LRRC20: variants seen among roughly 807,000 people sequenced by gnomAD.
LRRC20 encodes leucine-rich repeat-containing protein 20.
Under a neutral mutation model 14.4 loss-of-function variants are expected in LRRC20, and 11 were observed. The ratio of observed to expected loss-of-function variants is 0.77; its 90% CI spans 0.48 to 1.27. LRRC20 has a LOEUF of 1.27. Among genes scored for constraint, LRRC20 ranks in the 50% most tolerant of loss-of-function variants. The pLI is 0.00. For missense variants in LRRC20, 219 were observed against 251.2 expected, an observed-to-expected ratio of 0.87 and a Z score of 0.87; for synonymous variants, 121 against 107.3, an observed-to-expected ratio of 1.13 and a Z score of -0.79.
At chr10:70,359,692 CTTA>C (rs1843650169) in intron 2 of LRRC20, among the ~76,000 whole-genome samples, 1 of 152,246 alleles carries the variant, frequency 6.6e-6, no homozygotes, top group Non-Finnish European at 1.5e-5. Context: ...AGCCAGGCTG[CTTA>C]TTATTCCCTG....
intron 4 of LRRC20, among the ~76,000 whole-genome samples, chr10:70,317,281 G>T (rs1465284474): frequency 4.6e-5 from 7 of 151,550 alleles, no homozygotes; most frequent in African/African-American, 1.7e-4. Context: ...AGCAGAAGGA[G>T]GTGTAAGAGG....
chr10:70,302,065 G>A (rs1841213228), intron 4 of LRRC20, among the ~76,000 whole-genome samples: 1 of 152,282 alleles, frequency 6.6e-6, no homozygotes, highest in Admixed American at 6.5e-5. Context: ...TGTAATCCCA[G>A]CACTTTGGGA....
At chr10:70,376,668 T>C in intron 1 of LRRC20, 72 bp from the exon 2 acceptor site, 1 of 781,752 alleles carries the variant, frequency 1.3e-6, no homozygotes, top group Non-Finnish European at 2.1e-6. Context: ...CCCTCCAGCA[T>C]CCTTCTCCCC....
chr10:70,356,915 CA>C (rs1441415579), intron 2 of LRRC20, among the ~76,000 whole-genome samples: 1 of 152,104 alleles, frequency 6.6e-6, no homozygotes, highest in Non-Finnish European at 1.5e-5. Flanking sequence ...ATGTTCACAG[CA>C]GCATTTTCAC....
intron 3 of LRRC20, among the ~76,000 whole-genome samples, chr10:70,334,936 A>T (rs1842670064): frequency 6.6e-6 from 1 of 152,192 alleles, no homozygotes; most frequent in Non-Finnish European, 1.5e-5. Context: ...TGCTGCCTGG[A>T]GAGCCCTGTG....
chr10:70,320,894 C>T (rs1842053177), intron 4 of LRRC20, among the ~76,000 whole-genome samples: 1 of 152,168 alleles, frequency 6.6e-6, no homozygotes, highest in Non-Finnish European at 1.5e-5. Context: ...GAGAATGGCT[C>T]AGAGGGTGGA....
intron 4 of LRRC20, among the ~76,000 whole-genome samples, chr10:70,321,795 T>C (rs1295665382): frequency 6.6e-6 from 1 of 152,220 alleles, no homozygotes; most frequent in Non-Finnish European, 1.5e-5. Context: ...CACTTGGCCA[T>C]GAAGGCTTAG....
Position 70,372,632 on chromosome 10 carries a change from T to C in LRRC20, c.82+3820A>G, listed in dbSNP as rs375461121. 5.2e-3 allele frequency among the ~76,000 whole-genome samples: 788 copies of C among 151,982 alleles called. 8 individuals carry two copies. Among genetic ancestry groups the C allele is most frequent in the African/African-American group, 0.017 (687 of 41,478 alleles). ...AATTTTTTTGTATTTTTAGTAGAGA[T>C]GGGGTTTCACCATGTTAGCCAGGAT... On this transcript the variant is annotated intron_variant, in intron 2 of 4. Transcript: ENST00000446961.
intron 1 of LRRC20, chr10:70,381,835 CT>C (rs1247564704): frequency 6.6e-6 from 1 of 152,372 alleles, no homozygotes; most frequent in Admixed American, 6.5e-5. Context: ...CTGCTGGCGC[CT>C]TGTTTTTGTG....
chr10:70,301,263 C>T lies in LRRC20; in HGVS notation c.*91G>A. 6.7e-7 allele frequency: 1 copy of T among 1,499,252 alleles called. No homozygotes were observed. Among genetic ancestry groups the T allele is most frequent in the Admixed American group, 2.1e-5 (1 of 48,358 alleles). 92.9% of individuals were successfully genotyped at this position (1,499,252 alleles called of 1,614,324 possible). A position where few individuals can be genotyped will look rare whatever the true frequency, so the allele number is the denominator to read the frequency against. ...CTGCTCGGCCCACCCGCCCCCAGCC[C>T]CCAGGCTTGGCCTCCCATGGGCCTC... On this transcript the variant is annotated 3_prime_UTR_variant, in exon 5 of 5. Transcript: ENST00000446961.
intron 2 of LRRC20, among the ~76,000 whole-genome samples, chr10:70,348,866 T>G (rs928247814): frequency 3.3e-5 from 5 of 152,244 alleles, no homozygotes; most frequent in African/African-American, 1.2e-4. Flanking sequence ...ATTCAGAGGT[T>G]GGGCACCATC....
Position 70,340,803 on chromosome 10 carries a change from C to T in LRRC20, c.83-101G>A. On this transcript the variant is annotated intron_variant, in intron 2 of 4. Transcript: ENST00000446961. ...CCCCACCTCCATGCCCCCTTCCAGC[C>T]TCCTTGCCCTCCCACCTGTCTCCCC... The T allele has an allele frequency of 4.9e-6, 6 of 1,227,988 alleles. No homozygotes were observed. In the South Asian group the frequency reaches 7.0e-5, roughly 14 times the overall value. 76.1% of individuals were successfully genotyped at this position (1,227,988 alleles called of 1,614,324 possible). A position where few individuals can be genotyped will look rare whatever the true frequency, so the allele number is the denominator to read the frequency against.
intron 2 of LRRC20, among the ~76,000 whole-genome samples, chr10:70,372,937 T>C (rs969818951): frequency 3.8e-5 from 1 of 26,416 alleles, no homozygotes; most frequent in East Asian, 1.2e-3. Context: ...ACCCCATCTC[T>C]ACTAAAAAAA....
chr10:70,362,701 A>C lies in LRRC20; in HGVS notation c.82+13751T>G, dbSNP rs181458707. Among the ~76,000 whole-genome samples, 289 of 152,114 alleles carry C rather than the reference A, an allele frequency of 1.9e-3. 1 individual carries two copies. Among genetic ancestry groups the C allele is most frequent in the African/African-American group, 6.5e-3 (271 of 41,516 alleles). Reference sequence around the variant, plus strand: ...GTGCCAGGCTTGGCCCCTTACAGACATGACCTCCCAGAGCAGCGTGCCTCA... The same window carrying C: ...GTGCCAGGCTTGGCCCCTTACAGACCTGACCTCCCAGAGCAGCGTGCCTCA... On this transcript the variant is annotated intron_variant, in intron 2 of 4. Coordinates refer to ENST00000446961, the MANE Select transcript of LRRC20 (RefSeq NM_001278212.2).
intron 2 of LRRC20, among the ~76,000 whole-genome samples, chr10:70,346,635 T>C (rs888413161): frequency 6.6e-5 from 10 of 152,156 alleles, no homozygotes; most frequent in Admixed American, 2.6e-4. Context: ...ATAAAAACCA[T>C]ATGCACATTG....
intron 2 of LRRC20, among the ~76,000 whole-genome samples, chr10:70,374,693 C>T (rs1348102803): frequency 2.0e-5 from 3 of 152,056 alleles, no homozygotes; most frequent in South Asian, 2.1e-4. Flanking sequence ...AGACATCTGT[C>T]GATTTGCACT....
At chr10:70,346,188 G>C (rs184471578) in intron 2 of LRRC20, among the ~76,000 whole-genome samples, 4 of 152,286 alleles carry the variant, frequency 2.6e-5, no homozygotes, top group Admixed American at 2.0e-4. Flanking sequence ...GGGAGGCCAA[G>C]ATTGTATCAC....
At chr10:70,361,409 T>C (rs1843716488) in intron 2 of LRRC20, among the ~76,000 whole-genome samples, 1 of 152,212 alleles carries the variant, frequency 6.6e-6, no homozygotes, top group Non-Finnish European at 1.5e-5. Flanking sequence ...CAAGCAGTGA[T>C]AACTGCCCTC....
chr10:70,344,142 G>C (rs1843001484), intron 2 of LRRC20, among the ~76,000 whole-genome samples: 1 of 151,266 alleles, frequency 6.6e-6, no homozygotes, highest in South Asian at 2.1e-4. Context: ...GGTCAAGGCT[G>C]CAGTGAGCCT....
Sources: gnomAD v4.1 joint callset for allele counts (sites outside exome capture counted in the v4.1 genomes callset) on GRCh38, gnomAD v4.1.1 for gene constraint, MANE v1.5 for transcripts, NCBI Gene and HGNC (gene_info 2026-07-23, HGNC 2026-07-21) for gene names.